ABCB11: variants seen among roughly 807,000 people sequenced by gnomAD.
ABCB11 encodes bile salt export pump.
Under a neutral mutation model 148.0 loss-of-function variants are expected in ABCB11, and 95 were observed. That is an observed-to-expected ratio of 0.64 (90% CI 0.54 to 0.76). ABCB11 has a LOEUF of 0.76. Among genes scored for constraint, ABCB11 ranks in the 30% least tolerant of loss-of-function variants. The pLI, the probability that ABCB11 is intolerant of heterozygous loss-of-function variation, is 0.00. For synonymous variants in ABCB11, 591 were observed against 555.4 expected (o/e 1.06, Z -0.90); for missense variants, 1,523 against 1,617.8 (o/e 0.94, Z 1.01).
At chr2:168,958,216 C>T in intron 18 of ABCB11, 88 bp from the exon 19 acceptor site, 1 of 1,333,046 alleles carries the variant, frequency 7.5e-7, no homozygotes, top group African/African-American at 1.4e-5. Context: ...ATTTAAGAGT[C>T]ATAGTTTGAT....
At chr2:169,030,820 G>T (rs547164856) in intron 1 of ABCB11, among the ~76,000 whole-genome samples, 1 of 152,102 alleles carries the variant, frequency 6.6e-6, no homozygotes, top group South Asian at 2.1e-4. Flanking sequence ...AGCTTTCAAG[G>T]GTAGAATTTG....
intron 25 of ABCB11, among the ~76,000 whole-genome samples, chr2:168,930,456 A>G (rs1386077144): frequency 6.6e-6 from 1 of 152,204 alleles, no homozygotes; most frequent in Non-Finnish European, 1.5e-5. Context: ...TCAGCAGGCC[A>G]TCTGGAACTG....
intron 9 of ABCB11, among the ~76,000 whole-genome samples, chr2:168,989,199 T>C (rs1244690347): frequency 6.6e-6 from 1 of 152,144 alleles, no homozygotes; most frequent in African/African-American, 2.4e-5. Context: ...AATCATTGCC[T>C]AGACCAATGT....
intron 19 of ABCB11, among the ~76,000 whole-genome samples, chr2:168,946,339 A>G (rs1574417721): frequency 6.6e-6 from 1 of 152,058 alleles, no homozygotes; most frequent in East Asian, 1.9e-4. Flanking sequence ...TGGAAACAAT[A>G]TGTGCTACTC....
At chr2:169,026,452 A>G (rs1437993478) in intron 1 of ABCB11, among the ~76,000 whole-genome samples, 3 of 152,192 alleles carry the variant, frequency 2.0e-5, no homozygotes, top group African/African-American at 7.2e-5. Flanking sequence ...TTTGAAGGCC[A>G]TTGTGCTGAA....
intron 21 of ABCB11, among the ~76,000 whole-genome samples, chr2:168,940,709 A>G (rs1015196808): frequency 9.9e-5 from 15 of 152,114 alleles, no homozygotes; most frequent in Admixed American, 3.9e-4. Flanking sequence ...GGAAGATGCC[A>G]TCTAGGACTT....
chr2:168,998,539 C>G (rs375812111), intron 5 of ABCB11, among the ~76,000 whole-genome samples: 1 of 152,174 alleles, frequency 6.6e-6, no homozygotes, highest in East Asian at 1.9e-4. Flanking sequence ...ATACATGCAT[C>G]AAAACATCAC....
rs147649016 is a variant in ABCB11 at position 168,990,800 on chromosome 2, C to A, written c.908+1G>T. On this transcript the variant is annotated splice_donor_variant, in intron 9 of 27. Transcript: ENST00000650372. LOFTEE classifies it high-confidence loss of function. The stretch of plus-strand genomic sequence containing the variant: ...AAAGAATCAGATTCCAATTAACCAA[C>A]CTTTCAACCTCTCTTTTCTCACCAC... The A allele has an allele frequency of 1.2e-6, 2 of 1,612,714 alleles. No individual in the cohort carries two copies. Among genetic ancestry groups the A allele is most frequent in the Non-Finnish European group, 1.7e-6 (2 of 1,179,114 alleles).
intron 1 of ABCB11, among the ~76,000 whole-genome samples, chr2:169,028,482 C>A (rs1260635202): frequency 6.6e-6 from 1 of 152,000 alleles, no homozygotes; most frequent in African/African-American, 2.4e-5. Context: ...GCAGTCCAGG[C>A]AGGGAAGGAC....
intron 5 of ABCB11, among the ~76,000 whole-genome samples, chr2:169,010,845 G>T (rs1448776945): frequency 6.6e-6 from 1 of 152,140 alleles, no homozygotes; most frequent in Non-Finnish European, 1.5e-5. Flanking sequence ...TCCTGGTAAA[G>T]AAATGCCTAG....
intron 17 of ABCB11, 148 bp from the exon 18 acceptor site, chr2:168,964,456 G>C: frequency 3.0e-6 from 2 of 669,970 alleles, no homozygotes; most frequent in Non-Finnish European, 5.1e-6. Flanking sequence ...TTGCAGGTTA[G>C]GTTTGACAGA....
At chr2:168,952,194 T>C (rs1278662543) in intron 19 of ABCB11, among the ~76,000 whole-genome samples, 1 of 151,706 alleles carries the variant, frequency 6.6e-6, no homozygotes, top group East Asian at 1.9e-4. Context: ...GTTTTCTGTT[T>C]TTGTGATGTC....
At chr2:168,990,308 T>G (rs78223310) in intron 9 of ABCB11, among the ~76,000 whole-genome samples, 5,426 of 152,208 alleles carry the variant, frequency 0.036, 133 homozygotes, top group East Asian at 0.062. Flanking sequence ...TTCAGATTTA[T>G]TTCTCTTTAT....
intron 23 of ABCB11, among the ~76,000 whole-genome samples, chr2:168,934,327 A>G (rs931634234): frequency 5.3e-5 from 8 of 151,852 alleles, no homozygotes; most frequent in Non-Finnish European, 7.4e-5. Flanking sequence ...AAACCCAAGA[A>G]CCGATTCCTA....
chr2:169,015,109 A>G (rs1243141603), intron 3 of ABCB11, among the ~76,000 whole-genome samples: 2 of 151,876 alleles, frequency 1.3e-5, no homozygotes, highest in Admixed American at 1.3e-4. Flanking sequence ...ATTTCCTTCC[A>G]TTGCTAAACC....
chr2:168,929,106 T>G (rs1691450618), intron 25 of ABCB11, among the ~76,000 whole-genome samples: 1 of 152,186 alleles, frequency 6.6e-6, no homozygotes, highest in Non-Finnish European at 1.5e-5. Flanking sequence ...TTTCAAAATA[T>G]AGGGATTAAA....
intron 25 of ABCB11, among the ~76,000 whole-genome samples, chr2:168,929,771 T>C (rs978383976): frequency 6.6e-6 from 1 of 152,096 alleles, no homozygotes; most frequent in Non-Finnish European, 1.5e-5. Flanking sequence ...AATTTATAAA[T>C]AGAAGGCCTA....
At chr2:169,021,280 A>C (rs1695532290) in intron 1 of ABCB11, among the ~76,000 whole-genome samples, 1 of 152,160 alleles carries the variant, frequency 6.6e-6, no homozygotes, top group African/African-American at 2.4e-5. Flanking sequence ...ACATATACTT[A>C]TTATAAATGA....
Position 168,973,764 on chromosome 2 carries a change from C to A in ABCB11, c.1385G>T (p.Ser462Ile), listed in dbSNP as rs1693698735. ...TCGCTGAATGAGTTGCAGTGCTGTA[C>A]TTTTTCCAGCTCCACTGGGTCCTAC... is the stretch of plus-strand genomic sequence containing the variant. The part of the protein sequence containing the change: ...ALVGPSGAGK[S>I]TALQLIQRFY... Residue 462 changes from serine (S) to isoleucine (I), a missense_variant, in exon 13 of 28, where the codon AGT becomes ATT. Ser to Ile is a moderately radical substitution (Grantham distance 142). Coordinates refer to ENST00000650372, the MANE Select transcript of ABCB11 (RefSeq NM_003742.4). 6.2e-7 allele frequency: 1 copy of A among 1,612,212 alleles called. No homozygotes were observed. The highest frequency in any genetic ancestry group is 1.1e-5 in the South Asian group (1 of 91,064).
Sources: gnomAD v4.1 joint callset for allele counts (sites outside exome capture counted in the v4.1 genomes callset) on GRCh38, gnomAD v4.1.1 for gene constraint, MANE v1.5 for transcripts, NCBI Gene and HGNC (gene_info 2026-07-23, HGNC 2026-07-21) for gene names.